Variants in SYNE2 observed in about 807,000 individuals in gnomAD.
SYNE2 encodes nesprin-2.
In SYNE2, 431 loss-of-function variants were observed where a neutral mutation model predicts 856.3. The observed-to-expected ratio is 0.50, with a 90% CI of 0.47 to 0.55. The LOEUF is 0.55. Ranked by LOEUF, SYNE2 falls within the 20% of genes least tolerant of loss-of-function variation. The pLI, the probability that SYNE2 is intolerant of heterozygous loss-of-function variation, is 0.00. For synonymous variants in SYNE2, 2,923 were observed against 2,872.3 expected (o/e 1.02, Z -0.56); for missense variants, 8,129 against 8,023.2 (o/e 1.01, Z -0.50).
intron 1 of SYNE2, among the ~76,000 whole-genome samples, chr14:63,781,784 C>CT (rs1244087397): frequency 1.3e-5 from 2 of 152,172 alleles, no homozygotes; most frequent in Admixed American, 1.3e-4. Context: ...GATTTGATTC[C>CT]TTTATTTTCC....
intron 73 of SYNE2, among the ~76,000 whole-genome samples, chr14:64,127,709 C>G (rs996634369): frequency 6.6e-6 from 1 of 152,102 alleles, no homozygotes; most frequent in Non-Finnish European, 1.5e-5. Flanking sequence ...CTAAAATTAT[C>G]TAATGAAAAA....
intron 45 of SYNE2, among the ~76,000 whole-genome samples, chr14:64,045,654 T>C (rs2097180962): frequency 6.6e-6 from 1 of 151,624 alleles, no homozygotes; most frequent in African/African-American, 2.4e-5. Context: ...TGTGCCTGAA[T>C]ACATTGTTGG....
intron 64 of SYNE2, among the ~76,000 whole-genome samples, chr14:64,106,750 T>C (rs975275462): frequency 6.6e-5 from 10 of 152,250 alleles, no homozygotes; most frequent in Admixed American, 2.6e-4. Context: ...TTTATTTTTT[T>C]ATGTAGTCAA....
At chr14:64,018,924 T>G (rs1291790026) in intron 34 of SYNE2, among the ~76,000 whole-genome samples, 1 of 152,248 alleles carries the variant, frequency 6.6e-6, no homozygotes, top group Non-Finnish European at 1.5e-5. Context: ...CTTTCAACTC[T>G]AGGAAGAATT....
chr14:63,793,442 C>T (rs184876287), intron 1 of SYNE2, among the ~76,000 whole-genome samples: 9 of 152,252 alleles, frequency 5.9e-5, no homozygotes, highest in South Asian at 2.1e-4. Context: ...TTTCTACTGT[C>T]GATAAATTTC....
intron 45 of SYNE2, among the ~76,000 whole-genome samples, chr14:64,038,930 A>G (rs2097126166): frequency 6.6e-6 from 1 of 152,142 alleles, no homozygotes; most frequent in African/African-American, 2.4e-5. Flanking sequence ...GAGGAATTTC[A>G]GAAGCTGACT....
chr14:64,055,243 C>T (rs2097259174), intron 48 of SYNE2, among the ~76,000 whole-genome samples: 1 of 151,966 alleles, frequency 6.6e-6, no homozygotes, highest in East Asian at 1.9e-4. Context: ...TAAATGTAAT[C>T]CATTGTTTTA....
intron 1 of SYNE2, among the ~76,000 whole-genome samples, chr14:63,869,205 C>A (rs937276813): frequency 1.3e-5 from 2 of 152,212 alleles, no homozygotes; most frequent in African/African-American, 4.8e-5. Flanking sequence ...CTCGCTGCCT[C>A]TGGTACTCAC....
intron 1 of SYNE2, chr14:63,808,542 C>T (rs1163533065): frequency 6.5e-6 from 1 of 153,166 alleles, no homozygotes; most frequent in Non-Finnish European, 1.5e-5. Flanking sequence ...GCTGCGCCAC[C>T]ATCATGGACA....
intron 1 of SYNE2, among the ~76,000 whole-genome samples, chr14:63,788,096 C>T (rs1194165475): frequency 6.6e-6 from 1 of 152,216 alleles, no homozygotes; most frequent in Non-Finnish European, 1.5e-5. Flanking sequence ...TAAGCACTGC[C>T]GCAAGCTTGA....
chr14:64,045,024 G>C (rs1041093138), intron 45 of SYNE2, among the ~76,000 whole-genome samples: 1 of 152,150 alleles, frequency 6.6e-6, no homozygotes, highest in Non-Finnish European at 1.5e-5. Context: ...TGGAGGAAAG[G>C]GTGGTGAGCC....
In SYNE2 at chr14:64,141,968, T is replaced by C. The variant is rs1418833185; in HGVS notation, c.15186T>C (p.Arg5062=). The C allele has an allele frequency of 1.2e-6, 2 of 1,614,126 alleles. No homozygotes were observed. Among genetic ancestry groups the C allele is most frequent in the South Asian group, 1.1e-5 (1 of 91,078 alleles). The change falls in exon 82 of 116, where the codon CGT becomes CGC. Residue 5062 remains arginine (R), a synonymous_variant. Transcript: ENST00000555002. ...TTCAAATGGAGAAATTGCCGTCTCG[T>C]AAAGCAATCACAGAAATGATTAGCT... The part of the protein sequence containing the change: ...HQLQMEKLPS[R]KAITEMISWM...
In SYNE2 at chr14:63,991,093, G is replaced by A; in HGVS notation, c.2624G>A (p.Gly875Asp). Residue 875 changes from glycine to aspartate, a missense_variant, in exon 21 of 116, where the codon GGT becomes GAT. By Grantham distance (94) the Gly-to-Asp change is moderately conservative. This residue lies in a region of SYNE2 where 2,422 missense variants were observed against 2,357.4 expected (regional missense o/e 1.03). Coordinates refer to ENST00000555002, the MANE Select transcript of SYNE2 (RefSeq NM_182914.3). Reference protein sequence around the residue: ...QQLLGQRESPGELISKHKEAL... With the variant: ...QQLLGQRESPDELISKHKEAL... ...TTACTGGGGCAAAGAGAGAGCCCCG[G>A]TGAACTCATTTCAAAACACAAGGTG... 1.2e-6 allele frequency: 2 copies of A among 1,614,076 alleles called. No homozygotes were observed. The highest frequency in any genetic ancestry group is 1.1e-5 in the South Asian group (1 of 91,072).
At chr14:64,153,402 A>G (rs9919904) in intron 85 of SYNE2, among the ~76,000 whole-genome samples, 32,689 of 152,118 alleles carry the variant, frequency 0.21, 3,690 homozygotes, top group Middle Eastern at 0.29. Context: ...TAATCTATCA[A>G]TGGTATAATC....
At chr14:64,169,615 A>T (rs1230131667) in intron 93 of SYNE2, among the ~76,000 whole-genome samples, 1 of 152,218 alleles carries the variant, frequency 6.6e-6, no homozygotes, top group Non-Finnish European at 1.5e-5. Flanking sequence ...TACACCTCTG[A>T]ATCTTCTTTC....
chr14:63,886,664 A>G (rs1417077328), intron 1 of SYNE2, among the ~76,000 whole-genome samples: 1 of 152,060 alleles, frequency 6.6e-6, no homozygotes, highest in East Asian at 1.9e-4. Flanking sequence ...GATATGGACT[A>G]TTCATTCTCT....
intron 65 of SYNE2, among the ~76,000 whole-genome samples, chr14:64,111,524 C>T (rs1049166763): frequency 8.0e-5 from 12 of 150,606 alleles, no homozygotes; most frequent in East Asian, 2.0e-4. Flanking sequence ...CAGGGCCAGG[C>T]GCTGTGGCTT....
chr14:63,989,886 G>A (rs150812212), intron 19 of SYNE2, among the ~76,000 whole-genome samples: 1 of 151,442 alleles, frequency 6.6e-6, no homozygotes, highest in East Asian at 2.0e-4. Flanking sequence ...CTGACCTCAG[G>A]TGATCAGCCC....
intron 1 of SYNE2, among the ~76,000 whole-genome samples, chr14:63,861,904 T>C (rs1385558078): frequency 1.3e-5 from 2 of 152,234 alleles, no homozygotes; most frequent in African/African-American, 4.8e-5. Flanking sequence ...AACTTTATTA[T>C]GAAAAATTTC....
Sources: gnomAD v4.1 joint callset for allele counts (sites outside exome capture counted in the v4.1 genomes callset) on GRCh38, gnomAD v4.1.1 for gene constraint, gnomAD v4.1.1 regional missense constraint, MANE v1.5 for transcripts, NCBI Gene and HGNC (gene_info 2026-07-23, HGNC 2026-07-21) for gene names.